The following PCDH9 variants were observed in gnomAD, a reference collection of about 807,000 sequenced individuals.
PCDH9 encodes protocadherin-9.
PCDH9 carries 24 observed loss-of-function variants against 70.6 expected under a neutral mutation model. The ratio of observed to expected loss-of-function variants is 0.34; its 90% confidence interval spans 0.25 to 0.48. The LOEUF (loss-of-function observed/expected upper bound fraction) is 0.48. Among genes scored for constraint, PCDH9 ranks in the 20% least tolerant of loss-of-function variants. The pLI is 0.99. For synonymous variants in PCDH9, 562 were observed against 558.5 expected (o/e 1.01, Z -0.09); for missense variants, 1,281 against 1,503.6 (o/e 0.85, Z 2.45).
At chr13:66,782,161 A>T (rs1443400845) in intron 3 of PCDH9, among the ~76,000 whole-genome samples, 1 of 152,116 alleles carries the variant, frequency 6.6e-6, no homozygotes, top group Non-Finnish European at 1.5e-5. Flanking sequence ...CCAACTGCAG[A>T]TGTTGTTAAG....
intron 3 of PCDH9, among the ~76,000 whole-genome samples, chr13:66,778,508 A>G (rs945683929): frequency 6.6e-6 from 1 of 152,168 alleles, no homozygotes; most frequent in Non-Finnish European, 1.5e-5. Flanking sequence ...TGTACTTACC[A>G]TGTGGCCTGT....
intron 2 of PCDH9, among the ~76,000 whole-genome samples, chr13:66,998,823 T>G (rs1414284725): frequency 2.0e-5 from 3 of 152,202 alleles, no homozygotes; most frequent in Non-Finnish European, 4.4e-5. Flanking sequence ...TATTCCTTGT[T>G]GTTCTTCAAT....
Position 67,151,954 on chromosome 13 carries a change from T to C in PCDH9, c.3036+73451A>G, listed in dbSNP as rs193239447. Among the ~76,000 whole-genome samples, 378 of 152,078 alleles carry C rather than the reference T, an allele frequency of 2.5e-3. 6 individuals are homozygous for C. The highest frequency in any genetic ancestry group is 8.8e-3 in the African/African-American group (366 of 41,414). On this transcript the variant is annotated intron_variant, in intron 2 of 4. Coordinates refer to ENST00000377865, the MANE Select transcript of PCDH9 (RefSeq NM_203487.3). ...TAATTTTTTTTTTGTTACAAGACTA[T>C]ATGAATGAACTAAAAGACTCTTAAG...
intron 2 of PCDH9, among the ~76,000 whole-genome samples, chr13:67,086,715 G>T (rs1333253326): frequency 6.6e-6 from 1 of 152,124 alleles, no homozygotes; most frequent in East Asian, 1.9e-4. Flanking sequence ...CAAAGTGGCT[G>T]TAAAGAAAAA....
chr13:66,909,945 C>T (rs1215325523), intron 2 of PCDH9, among the ~76,000 whole-genome samples: 1 of 152,162 alleles, frequency 6.6e-6, no homozygotes, highest in Non-Finnish European at 1.5e-5. Flanking sequence ...AGCAGAGCTT[C>T]TTCAACCCCA....
intron 4 of PCDH9, among the ~76,000 whole-genome samples, chr13:66,404,149 A>G (rs1405199073): frequency 6.6e-6 from 1 of 152,194 alleles, no homozygotes; most frequent in Non-Finnish European, 1.5e-5. Flanking sequence ...CTTGCCTTGA[A>G]GTCAATTTTA....
chr13:66,575,065 C>T (rs540812510), intron 4 of PCDH9, among the ~76,000 whole-genome samples: 4 of 151,870 alleles, frequency 2.6e-5, no homozygotes, highest in South Asian at 4.2e-4. Context: ...CCCAGCTACT[C>T]GGGAGGCAGA....
intron 2 of PCDH9, among the ~76,000 whole-genome samples, chr13:67,077,494 C>T (rs777712257): frequency 2.4e-4 from 36 of 152,150 alleles, no homozygotes; most frequent in Non-Finnish European, 4.7e-4. Flanking sequence ...TCTTTTCTTA[C>T]AAATATCACC....
intron 4 of PCDH9, among the ~76,000 whole-genome samples, chr13:66,595,662 A>C (rs980616195): frequency 6.6e-6 from 1 of 151,762 alleles, no homozygotes; most frequent in African/African-American, 2.4e-5. Context: ...AAGTAGCCAG[A>C]AACCAAGAAT....
At chr13:67,022,313 G>T (rs577993581) in intron 2 of PCDH9, among the ~76,000 whole-genome samples, 60 of 151,582 alleles carry the variant, frequency 4.0e-4, no homozygotes, top group African/African-American at 1.4e-3. Context: ...TAGAGATGGG[G>T]TTTCTCCGTG....
chr13:66,950,981 T>C (rs1481279713), intron 2 of PCDH9, among the ~76,000 whole-genome samples: 2 of 152,122 alleles, frequency 1.3e-5, no homozygotes, highest in African/African-American at 4.8e-5. Context: ...AAAATTGAAT[T>C]TTATCATTTA....
chr13:67,041,817 T>C (rs7318454), intron 2 of PCDH9, among the ~76,000 whole-genome samples: 99,460 of 143,232 alleles, frequency 0.69, 34,298 homozygotes, highest in African/African-American at 0.72. Flanking sequence ...GGCCACAGAG[T>C]GAGACTCTGT....
chr13:66,457,255 C>T (rs1343200894), intron 4 of PCDH9, among the ~76,000 whole-genome samples: 1 of 152,036 alleles, frequency 6.6e-6, no homozygotes, highest in Non-Finnish European at 1.5e-5. Flanking sequence ...CTCCAGCTTT[C>T]CTAAAATAAA....
intron 3 of PCDH9, among the ~76,000 whole-genome samples, chr13:66,791,323 G>GT (rs1188977472): frequency 2.6e-5 from 4 of 151,950 alleles, no homozygotes; most frequent in Admixed American, 1.3e-4. Context: ...CTTGAGCAGT[G>GT]TTTTTTTCCT....
intron 2 of PCDH9, among the ~76,000 whole-genome samples, chr13:66,917,060 C>T (rs1046661846): frequency 2.0e-5 from 3 of 151,488 alleles, no homozygotes; most frequent in African/African-American, 7.3e-5. Context: ...TCCTACTTTC[C>T]CTTATTTCAA....
chr13:66,318,024 C>T (rs1217060002), intron 4 of PCDH9, among the ~76,000 whole-genome samples: 1 of 152,006 alleles, frequency 6.6e-6, no homozygotes, highest in Non-Finnish European at 1.5e-5. Flanking sequence ...TTGAAAATGC[C>T]ATTACTCTGT....
chr13:66,540,976 C>T (rs531876418), intron 4 of PCDH9, among the ~76,000 whole-genome samples: 1 of 152,262 alleles, frequency 6.6e-6, no homozygotes, highest in Non-Finnish European at 1.5e-5. Context: ...GAACTTCACA[C>T]ACCAGATTAG....
At chr13:66,895,489 A>G (rs2082162710) in intron 3 of PCDH9, among the ~76,000 whole-genome samples, 1 of 152,182 alleles carries the variant, frequency 6.6e-6, no homozygotes, top group Non-Finnish European at 1.5e-5. Context: ...ATCGCAATAT[A>G]TTATTCATGA....
chr13:66,372,031 C>G (rs1956664598), intron 4 of PCDH9, among the ~76,000 whole-genome samples: 1 of 151,996 alleles, frequency 6.6e-6, no homozygotes, highest in South Asian at 2.1e-4. Context: ...GACTCCCTCC[C>G]ACTTCTTAAT....
Sources: allele counts gnomAD v4.1 joint callset (sites outside exome capture counted in the v4.1 genomes callset), GRCh38; gene constraint gnomAD v4.1.1; transcripts MANE v1.5; gene names NCBI Gene and HGNC (gene_info 2026-07-23, HGNC 2026-07-21).